Variants in DNASE1 observed in about 807,000 individuals in gnomAD.
DNASE1 encodes deoxyribonuclease 1, also known as deoxyribonuclease-1.
A neutral mutation model predicts 33.9 loss-of-function variants in DNASE1; 40 were observed. The ratio of observed to expected loss-of-function variants is 1.18; its 90% CI spans 0.92 to 1.54. The LOEUF is 1.54. Ranked by LOEUF, DNASE1 falls within the 40% of genes most tolerant of loss-of-function variation. The pLI, the probability that DNASE1 is intolerant of heterozygous loss-of-function variation, is 0.00. For missense variants in DNASE1, 518 were observed against 372.6 expected (o/e 1.39, Z -3.21); for synonymous variants, 216 against 160.0 (o/e 1.35, Z -2.64).
rs547809921 is a variant in DNASE1 at position 3,614,382 on chromosome 16, A to G, written c.-1359+2376A>G. 8.5e-4 allele frequency among the ~76,000 whole-genome samples: 130 copies of G among 152,304 alleles called. 1 individual carries two copies. The highest frequency in any genetic ancestry group is 2.7e-3 in the African/African-American group (112 of 41,560). On this transcript the variant is annotated intron_variant and NMD_transcript_variant, in intron 1 of 11. Transcript: ENST00000570769. ...ATAATTTACTTACATTTCTCAAGAA[A>G]AGGAGGCGTGCCACCACGTTCAGAG...
Position 3,655,906 on chromosome 16 carries a change from G to C in DNASE1, c.205G>C (p.Ala69Pro). The stretch of plus-strand genomic sequence containing the variant: ...GGAGGTCAGAGACAGCCACCTGACT[G>C]CCGTGGGGAAGCTGCTGGACAACCT... ...VQEVRDSHLT[A>P]VGKLLDNLNQ... The change falls in exon 3 of 9, where the codon GCC becomes CCC. Residue 69 changes from alanine (A) to proline (P), a missense_variant. Physicochemically the swap from Ala to Pro is conservative, Grantham distance 27. Transcript: ENST00000246949. 6.2e-7 allele frequency: 1 copy of C among 1,614,046 alleles called. No individual in the cohort carries two copies. The highest frequency in any genetic ancestry group is 1.1e-5 in the South Asian group (1 of 91,082).
In DNASE1 at chr16:3,655,396, G is replaced by A. The variant is rs914092304; in HGVS notation, c.23G>A (p.Gly8Glu). The A allele has an allele frequency of 9.9e-6, 16 of 1,614,128 alleles. No individual in the cohort carries two copies. The highest frequency in any genetic ancestry group is 3.3e-4 in the Middle Eastern group (2 of 6,062). ...AGGATGAGGGGCATGAAGCTGCTGGGGGCGCTGCTGGCACTGGCGGCCCTA... is the reference window on the plus strand; with the variant it reads ...AGGATGAGGGGCATGAAGCTGCTGGAGGCGCTGCTGGCACTGGCGGCCCTA... MRGMKLL[G>E]ALLALAALLQ... The change falls in exon 2 of 9, where the codon GGG becomes GAG. Residue 8 changes from glycine to glutamate, a missense_variant. Transcript: ENST00000246949.
chr16:3,615,722 G>A (rs953990877), intron 1 of DNASE1, among the ~76,000 whole-genome samples: 2 of 152,212 alleles, frequency 1.3e-5, no homozygotes, highest in African/African-American at 4.8e-5. Flanking sequence ...CCAGTTCATA[G>A]GAGTCGGTAA....
chr16:3,648,037 G>A (rs1055727397), intron 1 of DNASE1, among the ~76,000 whole-genome samples: 5 of 152,068 alleles, frequency 3.3e-5, no homozygotes, highest in Admixed American at 2.0e-4. Flanking sequence ...GCATGGTGGC[G>A]CACATCCGTA....
At chr16:3,622,095 C>A (rs950808471) in intron 1 of DNASE1, among the ~76,000 whole-genome samples, 1 of 151,810 alleles carries the variant, frequency 6.6e-6, no homozygotes, top group Non-Finnish European at 1.5e-5. Context: ...TGGCGCACCC[C>A]TGTAATTCCA....
chr16:3,651,472 T>C (rs1449841953), upstream of DNASE1: 1 of 152,182 alleles, frequency 6.6e-6, no homozygotes, highest in Non-Finnish European at 1.5e-5. Flanking sequence ...TGGGCTTCCT[T>C]CTTGGGCATT....
intron 1 of DNASE1, among the ~76,000 whole-genome samples, chr16:3,630,564 C>A (rs1295188608): frequency 2.6e-5 from 4 of 152,086 alleles, no homozygotes; most frequent in Non-Finnish European, 5.9e-5. Context: ...ATTTTATCTT[C>A]TTGCTGTATT....
rs2042691260 is a variant in DNASE1, at chr16:3,656,936, C to G, written c.437-63C>G. ...GGACTGTCATGATACATAGTTCCAGCTGACATGGTGACTGAACCTGCCCCC... is the reference window on the plus strand; with the variant it reads ...GGACTGTCATGATACATAGTTCCAGGTGACATGGTGACTGAACCTGCCCCC... On this transcript the variant is annotated intron_variant, in intron 5 of 8. Coordinates refer to ENST00000246949, the MANE Select transcript of DNASE1 (RefSeq NM_005223.4). 2.5e-6 allele frequency: 4 copies of G among 1,585,676 alleles called. No individual in the cohort carries two copies. The East Asian group carries it at 9.2e-5, about 36-fold the overall frequency.
chr16:3,655,660 C>T (rs2042557813), intron 2 of DNASE1, 140 bp downstream of exon 2: 2 of 1,459,846 alleles, frequency 1.4e-6, no homozygotes, highest in East Asian at 4.7e-5. Flanking sequence ...GGAACAGGCT[C>T]TTGGCTGTGG....
At chr16:3,621,548 A>G (rs1212728808) in intron 1 of DNASE1, among the ~76,000 whole-genome samples, 2 of 152,084 alleles carry the variant, frequency 1.3e-5, no homozygotes, top group Non-Finnish European at 2.9e-5. Flanking sequence ...TACAAATATA[A>G]ATATATATCC....
At position 3,656,695 on chromosome 16, in the gene DNASE1, C is replaced by A; in HGVS notation, c.378C>A (p.Cys126Ter). 6.2e-7 allele frequency: 1 copy of A among 1,613,252 alleles called. No individual in the cohort carries two copies. The highest frequency in any genetic ancestry group is 8.5e-7 in the Non-Finnish European group (1 of 1,179,692). The change falls in exon 5 of 9, where the codon TGC (cysteine) becomes TGA (stop). Residue 126 changes from cysteine to a stop codon, truncating the protein, a stop_gained. Coordinates refer to ENST00000246949, the MANE Select transcript of DNASE1 (RefSeq NM_005223.4). LOFTEE classifies it high-confidence loss of function. Reference protein sequence around the residue: ...SYYYDDGCEPCGNDTFNREPA... With the variant: ...SYYYDDGCEP ...ACTACGATGATGGCTGCGAGCCCTG[C>A]GGGAACGACACCTTCAACCGAGAGC... is the stretch of plus-strand genomic sequence containing the variant.
At chr16:3,652,761 C>G (rs1037844536), upstream of DNASE1, 3 of 152,414 alleles carry the variant, frequency 2.0e-5, no homozygotes, top group Non-Finnish European at 4.4e-5. Flanking sequence ...TGCTTCATGG[C>G]CAGCTGGCCA....
chr16:3,656,076 TG>T, intron 3 of DNASE1, 25 bp from the exon 4 acceptor site: 20 of 1,613,508 alleles, frequency 1.2e-5, no homozygotes, highest in Non-Finnish European at 1.6e-5. Flanking sequence ...CCCCCGCCAC[TG>T]GGACCTTTTG....
chr16:3,640,737 A>T (rs2042006002), upstream of DNASE1: 1 of 398,516 alleles, frequency 2.5e-6, no homozygotes, highest in Non-Finnish European at 4.4e-6. Context: ...GAATGGGAAC[A>T]GCAAGATGGC....
upstream of DNASE1, chr16:3,654,344 GCT>G: frequency 2.5e-6 from 1 of 398,836 alleles, no homozygotes; most frequent in Non-Finnish European, 4.4e-6. Flanking sequence ...CCCCACCACT[GCT>G]TGTTCCGAGC....
upstream of DNASE1, chr16:3,653,128 C>G (rs1315073415): frequency 6.6e-6 from 1 of 152,172 alleles, no homozygotes; most frequent in Non-Finnish European, 1.5e-5. Flanking sequence ...TGGGAGGACC[C>G]CAAATGCAGG....
chr16:3,625,423 G>C (rs539659735), intron 1 of DNASE1, among the ~76,000 whole-genome samples: 4 of 152,252 alleles, frequency 2.6e-5, no homozygotes, highest in Admixed American at 2.0e-4. Context: ...TTCAAGGCCA[G>C]CCTGGGCTGT....
At position 3,657,893 on chromosome 16, in the gene DNASE1, C is replaced by CA. The variant is rs755589300; in HGVS notation, c.802-12dup. The CA allele has an allele frequency of 1.2e-6, 2 of 1,614,022 alleles. No individual in the cohort carries two copies. Among genetic ancestry groups the CA allele is most frequent in the South Asian group, 2.2e-5 (2 of 91,080 alleles). The stretch of plus-strand genomic sequence containing the variant: ...GTAGGCTCAGCCCAGACCCTGTGCC[C>CA]ACTTGCCTGCAGGCCCAAGCCATCA... On this transcript the variant is annotated splice_polypyrimidine_tract_variant and intron_variant, in intron 8 of 8. Coordinates refer to ENST00000246949, the MANE Select transcript of DNASE1 (RefSeq NM_005223.4).
downstream of DNASE1, chr16:3,661,929 CCA>C (rs1021189548): frequency 3.3e-6 from 5 of 1,525,826 alleles, no homozygotes; most frequent in African/African-American, 2.8e-5. Context: ...CAAAAGAACA[CCA>C]CACACAGGAT....
Sources: allele counts gnomAD v4.1 joint callset (sites outside exome capture counted in the v4.1 genomes callset), GRCh38; gene constraint gnomAD v4.1.1; transcripts MANE v1.5; gene names NCBI Gene and HGNC (gene_info 2026-07-23, HGNC 2026-07-21).